Variants in MYO18B observed in about 807,000 individuals in gnomAD.
The protein encoded by MYO18B is unconventional myosin-XVIIIb.
Under a neutral mutation model 273.0 loss-of-function variants are expected in MYO18B, and 204 were observed. The observed-to-expected ratio is 0.75, with a 90% CI of 0.67 to 0.84. The LOEUF is 0.84. MYO18B is among the 40% of genes least tolerant of loss of function. The probability of loss-of-function intolerance (pLI) is 0.00; values close to 1 mark genes in which losing one functional copy is unlikely to be tolerated. For missense variants in MYO18B, 3,212 were observed against 3,287.6 expected, an observed-to-expected ratio of 0.98 and a Z score of 0.56; for synonymous variants, 1,330 against 1,305.7, an observed-to-expected ratio of 1.02 and a Z score of -0.40.
chr22:26,024,931 T>TA (rs970696498), intron 42 of MYO18B, among the ~76,000 whole-genome samples: 2 of 152,194 alleles, frequency 1.3e-5, no homozygotes, highest in African/African-American at 4.8e-5. Context: ...TGCTGGCAGT[T>TA]ACATTTGTTG....
chr22:25,971,687 G>C (rs2093037074), intron 39 of MYO18B, among the ~76,000 whole-genome samples: 1 of 152,152 alleles, frequency 6.6e-6, no homozygotes, highest in Non-Finnish European at 1.5e-5. Context: ...CATCACAAAG[G>C]CGCGGCCTCA....
chr22:26,043,637 A>T, the MYO18B span, among the ~76,000 whole-genome samples: 1 of 149,262 alleles, frequency 6.7e-6, no homozygotes, highest in Non-Finnish European at 1.5e-5. Flanking sequence ...CAGCCTCCCG[A>T]GTAGCTGGGA....
chr22:25,793,788 CTT>C (rs769525122), intron 11 of MYO18B, among the ~76,000 whole-genome samples: 2 of 152,226 alleles, frequency 1.3e-5, no homozygotes, highest in African/African-American at 2.4e-5. Flanking sequence ...GACCTTGAGA[CTT>C]TACCTCAGAC....
chr22:25,781,024 C>G (rs2087126403), intron 9 of MYO18B, among the ~76,000 whole-genome samples: 1 of 152,160 alleles, frequency 6.6e-6, no homozygotes, highest in Non-Finnish European at 1.5e-5. Context: ...GGTATAATAT[C>G]CAGACTCAAG....
chr22:25,965,326 C>A (rs939863166), intron 39 of MYO18B, among the ~76,000 whole-genome samples: 2 of 152,174 alleles, frequency 1.3e-5, no homozygotes, highest in African/African-American at 4.8e-5. Context: ...GGCCTTGTTC[C>A]CCTCCATATT....
At chr22:25,806,400 G>A (rs1009269716) in intron 12 of MYO18B, among the ~76,000 whole-genome samples, 1 of 152,192 alleles carries the variant, frequency 6.6e-6, no homozygotes, top group Non-Finnish European at 1.5e-5. Flanking sequence ...GCTGGGCACA[G>A]CTGGCCTTTG....
rs913541655 is a variant in MYO18B, at chr22:25,781,722, C to T, written c.2212-12C>T. Reference sequence around the variant, plus strand: ...AAAGCACTGACTGGGTGCCCCTCTTCTCTCCCTGCAGACAATGCTTTTGGA... The same window carrying T: ...AAAGCACTGACTGGGTGCCCCTCTTTTCTCCCTGCAGACAATGCTTTTGGA... On this transcript the variant is annotated splice_polypyrimidine_tract_variant and intron_variant, in intron 9 of 43. Coordinates refer to ENST00000335473, the MANE Select transcript of MYO18B (RefSeq NM_032608.7). The T allele has an allele frequency of 1.3e-6, 2 of 1,515,354 alleles. No individual in the cohort carries two copies. Among genetic ancestry groups the T allele is most frequent in the East Asian group, 2.4e-5 (1 of 41,540 alleles). 93.9% of individuals were successfully genotyped at this position (1,515,354 alleles called of 1,614,324 possible). A position where few individuals can be genotyped will look rare whatever the true frequency, so the allele number is the denominator to read the frequency against.
chr22:25,963,595 A>G (rs1383231190), intron 39 of MYO18B, among the ~76,000 whole-genome samples: 1 of 149,264 alleles, frequency 6.7e-6, no homozygotes, highest in African/African-American at 2.5e-5. Context: ...CTATTTCCCA[A>G]TAAGGTCCCA....
intron 12 of MYO18B, among the ~76,000 whole-genome samples, chr22:25,812,409 C>T (rs954873619): frequency 6.6e-6 from 1 of 152,162 alleles, no homozygotes; most frequent in South Asian, 2.1e-4. Flanking sequence ...GTGAGCTTCA[C>T]CCTGTAATGA....
chr22:25,828,622 A>T (rs2145916940), intron 14 of MYO18B, among the ~76,000 whole-genome samples, 154 bp from the exon 15 acceptor site: 1 of 152,010 alleles, frequency 6.6e-6, no homozygotes, highest in Non-Finnish European at 1.5e-5. Flanking sequence ...AGTTGGGGAA[A>T]CCCCTGCTCA....
intron 7 of MYO18B, among the ~76,000 whole-genome samples, chr22:25,776,721 C>T (rs541129982): frequency 1.4e-4 from 21 of 152,270 alleles, no homozygotes; most frequent in Admixed American, 1.2e-3. Flanking sequence ...TCAATATAAC[C>T]AATGACATAG....
rs2093158332 is a variant in MYO18B at position 25,982,401 on chromosome 22, C to G, written c.6157-9962C>G. ...AGCCCTGGCTGGCATTTCGATAGAT[C>G]CTGTCTTCATTCCCTACTGCTGCTG... On this transcript the variant is annotated intron_variant, in intron 39 of 43. Coordinates refer to ENST00000335473, the MANE Select transcript of MYO18B (RefSeq NM_032608.7). 2.0e-5 allele frequency among the ~76,000 whole-genome samples: 3 copies of G among 152,212 alleles called. No individual in the cohort carries two copies. The South Asian group carries it at 6.2e-4, about 31-fold the overall frequency.
intron 34 of MYO18B, among the ~76,000 whole-genome samples, chr22:25,926,224 A>AG (rs1311150565): frequency 6.6e-6 from 1 of 152,064 alleles, no homozygotes; most frequent in Non-Finnish European, 1.5e-5. Context: ...AGAAAAAAAA[A>AG]GAAATTAGAA....
chr22:25,851,889 C>G (rs945491551), intron 21 of MYO18B, among the ~76,000 whole-genome samples: 3 of 152,188 alleles, frequency 2.0e-5, no homozygotes, highest in African/African-American at 7.2e-5. Flanking sequence ...AATTCTTGCT[C>G]TAGACCAAAC....
intron 42 of MYO18B, among the ~76,000 whole-genome samples, chr22:26,025,831 C>T (rs953477430): frequency 1.3e-5 from 2 of 152,204 alleles, no homozygotes; most frequent in Non-Finnish European, 2.9e-5. Context: ...ATAAAAACCA[C>T]GTCTGGTGTA....
intron 33 of MYO18B, among the ~76,000 whole-genome samples, chr22:25,911,652 G>A (rs917778262): frequency 1.4e-4 from 21 of 152,178 alleles, no homozygotes; most frequent in African/African-American, 5.1e-4. Flanking sequence ...GTACATTGCG[G>A]GATATCACGC....
chr22:25,867,083 G>GA (rs1052138662), intron 21 of MYO18B, among the ~76,000 whole-genome samples: 2 of 151,854 alleles, frequency 1.3e-5, no homozygotes, highest in Non-Finnish European at 2.9e-5. Context: ...TTGTAATCTT[G>GA]AAAAAAAGCC....
chr22:25,842,238 A>G (rs1322999157), intron 17 of MYO18B, among the ~76,000 whole-genome samples: 1 of 152,226 alleles, frequency 6.6e-6, no homozygotes, highest in Non-Finnish European at 1.5e-5. Flanking sequence ...ACTGGAGTTT[A>G]GAGGCAGCAA....
At chr22:25,856,717 G>A (rs868372424) in intron 21 of MYO18B, among the ~76,000 whole-genome samples, 9 of 152,160 alleles carry the variant, frequency 5.9e-5, no homozygotes, top group African/African-American at 1.2e-4. Flanking sequence ...AGATAGTTTC[G>A]TGGTGCTGGA....
Sources: allele counts gnomAD v4.1 joint callset (sites outside exome capture counted in the v4.1 genomes callset), GRCh38; gene constraint gnomAD v4.1.1; transcripts MANE v1.5; gene names NCBI Gene and HGNC (gene_info 2026-07-23, HGNC 2026-07-21).